Variants in RBFOX1 observed in about 807,000 individuals in gnomAD.
RBFOX1 encodes RNA binding fox-1 homolog 1.
A neutral mutation model predicts 57.7 loss-of-function variants in RBFOX1; 8 were observed. The observed-to-expected ratio is 0.14, with a 90% CI of 0.08 to 0.25. The LOEUF (loss-of-function observed/expected upper bound fraction) is 0.25, where lower values mean the gene tolerates loss of function less well. RBFOX1 is among the 10% of genes least tolerant of loss of function. RBFOX1 has a pLI of 1.00. For synonymous variants in RBFOX1, 326 were observed against 222.4 expected (o/e 1.47, Z -4.15); for missense variants, 611 against 548.5 (o/e 1.11, Z -1.14).
chr16:6,055,113 T>A (rs961455678), intron 1 of RBFOX1, among the ~76,000 whole-genome samples: 1 of 152,188 alleles, frequency 6.6e-6, no homozygotes, highest in African/African-American at 2.4e-5. Context: ...TTGTGGCATC[T>A]TTTTTGGGAT....
intron 2 of RBFOX1, among the ~76,000 whole-genome samples, chr16:5,485,368 A>AAAAAAAAAAAAAT (rs1567150376): frequency 2.7e-5 from 4 of 148,644 alleles, no homozygotes; most frequent in Admixed American, 6.7e-5. Flanking sequence ...AAAAAAAAAA[A>AAAAAAAAAAAAAT]GTGAATAAGT....
At chr16:6,981,881 A>T (rs938804880) in intron 3 of RBFOX1, among the ~76,000 whole-genome samples, 1 of 152,198 alleles carries the variant, frequency 6.6e-6, no homozygotes, top group Non-Finnish European at 1.5e-5. Context: ...AGTTGATTCC[A>T]CATCTTGGCT....
rs544836905 is a variant in RBFOX1, at chr16:5,569,390, A to T, written c.259-29512A>T. 7.4e-5 allele frequency among the ~76,000 whole-genome samples: 10 copies of T among 135,572 alleles called. No individual in the cohort carries two copies. In the East Asian group the frequency reaches 2.6e-3, roughly 35 times the overall value. The allele number at this position is 135,572 out of a possible 152,430, so 88.9% of individuals were successfully genotyped here. ...ATTACTTCTCTGTGAAACAGAATGT[A>T]TGATGCTCTTTTCAGACATTTGGTA... On this transcript the variant is annotated intron_variant, in intron 2 of 2. Transcript: ENST00000585867.
At chr16:5,867,345 G>A (rs946720005) in intron 4 of RBFOX1, 25 of 1,199,020 alleles carry the variant, frequency 2.1e-5, no homozygotes, top group Admixed American at 4.2e-5. Flanking sequence ...GGTAGGAAAC[G>A]TGGTTTTTCT....
intron 4 of RBFOX1, among the ~76,000 whole-genome samples, chr16:5,904,212 C>A (rs531015000): frequency 1.3e-5 from 2 of 152,090 alleles, no homozygotes; most frequent in African/African-American, 2.4e-5. Flanking sequence ...CTCATCTCGG[C>A]AAGCCTTGAA....
At chr16:6,277,353 C>T (rs1314842578) in intron 1 of RBFOX1, among the ~76,000 whole-genome samples, 1 of 146,848 alleles carries the variant, frequency 6.8e-6, no homozygotes, top group East Asian at 2.0e-4. Flanking sequence ...CCCACCTACT[C>T]AGGAGGCTAA....
chr16:7,250,339 C>G (rs2094459433), intron 4 of RBFOX1, among the ~76,000 whole-genome samples: 1 of 152,142 alleles, frequency 6.6e-6, no homozygotes, highest in African/African-American at 2.4e-5. Context: ...TAATTGTTTA[C>G]TGGTGACCAT....
intron 1 of RBFOX1, among the ~76,000 whole-genome samples, chr16:6,122,069 C>T (rs144697463): frequency 6.6e-6 from 1 of 152,074 alleles, no homozygotes; most frequent in Non-Finnish European, 1.5e-5. Context: ...CCATGTCCAG[C>T]TAATTTTAGT....
chr16:6,441,413 G>GT (rs1187320004), intron 2 of RBFOX1, among the ~76,000 whole-genome samples: 1 of 151,686 alleles, frequency 6.6e-6, no homozygotes. Flanking sequence ...GTTTTGTTTT[G>GT]TTTTGTTTTT....
chr16:6,384,103 T>C (rs898139368), intron 2 of RBFOX1, among the ~76,000 whole-genome samples: 1 of 151,620 alleles, frequency 6.6e-6, no homozygotes, highest in Non-Finnish European at 1.5e-5. Context: ...CTAAATTTGC[T>C]TGTAAAGTTT....
At chr16:7,308,532 C>T (rs1447103842) in intron 4 of RBFOX1, among the ~76,000 whole-genome samples, 1 of 152,176 alleles carries the variant, frequency 6.6e-6, no homozygotes, top group Admixed American at 6.5e-5. Flanking sequence ...GGCCATGCCA[C>T]TGTCAATATT....
intron 3 of RBFOX1, among the ~76,000 whole-genome samples, chr16:6,734,221 C>T (rs1307564603): frequency 6.6e-6 from 1 of 152,154 alleles, no homozygotes; most frequent in South Asian, 2.1e-4. Flanking sequence ...TGATGTCTGA[C>T]CCCTCTGTCC....
rs570270962 is a variant in RBFOX1, at chr16:7,380,482, C to T, written c.28-137665C>T. 2.6e-5 allele frequency among the ~76,000 whole-genome samples: 4 copies of T among 152,280 alleles called. No individual in the cohort carries two copies. The South Asian group carries it at 6.2e-4, about 24-fold the overall frequency. On this transcript the variant is annotated intron_variant, in intron 4 of 15. Transcript: ENST00000550418. ...AATGTTGGCACATATAAATTATGTA[C>T]TTCAGTCTTAACATCTGTCTGGTAA...
chr16:6,793,318 G>T (rs1361263939), intron 3 of RBFOX1, among the ~76,000 whole-genome samples: 3 of 152,160 alleles, frequency 2.0e-5, no homozygotes, highest in Non-Finnish European at 2.9e-5. Flanking sequence ...AGTGAAATTT[G>T]ATTGGAGAAG....
chr16:7,170,031 G>C (rs1205930344), intron 4 of RBFOX1, among the ~76,000 whole-genome samples: 1 of 152,206 alleles, frequency 6.6e-6, no homozygotes, highest in East Asian at 1.9e-4. Context: ...CCAAGATTGT[G>C]CCAATGCACT....
intron 2 of RBFOX1, among the ~76,000 whole-genome samples, chr16:6,594,681 C>T (rs566178144): frequency 1.9e-4 from 22 of 113,814 alleles, no homozygotes; most frequent in African/African-American, 6.6e-4. Context: ...GGACCCAGCA[C>T]GCTCATCTTT....
At chr16:5,538,852 TC>T (rs2044813362) in intron 2 of RBFOX1, among the ~76,000 whole-genome samples, 1 of 152,128 alleles carries the variant, frequency 6.6e-6, no homozygotes, top group African/African-American at 2.4e-5. Flanking sequence ...GTTCTCGATC[TC>T]CTGACATCAT....
At chr16:6,288,344 A>C (rs935052769) in intron 1 of RBFOX1, among the ~76,000 whole-genome samples, 4 of 152,116 alleles carry the variant, frequency 2.6e-5, no homozygotes, top group Non-Finnish European at 5.9e-5. Flanking sequence ...ATCTTGTTCA[A>C]ATATAGATTC....
intron 3 of RBFOX1, among the ~76,000 whole-genome samples, chr16:6,679,800 C>T (rs949774035): frequency 6.0e-5 from 9 of 150,628 alleles, no homozygotes; most frequent in Non-Finnish European, 1.2e-4. Flanking sequence ...TCAGTTTGTC[C>T]AGTATTAATT....
Sources: allele counts gnomAD v4.1 joint callset (sites outside exome capture counted in the v4.1 genomes callset), GRCh38; gene constraint gnomAD v4.1.1; transcripts MANE v1.5; gene names NCBI Gene and HGNC (gene_info 2026-07-23, HGNC 2026-07-21).